CCSER1: variants seen among roughly 807,000 people sequenced by gnomAD.
CCSER1 encodes the protein coiled-coil serine rich protein 1.
A neutral mutation model predicts 82.0 loss-of-function variants in CCSER1; 41 were observed. The observed-to-expected ratio is 0.50, with a 90% confidence interval of 0.39 to 0.65. The LOEUF (loss-of-function observed/expected upper bound fraction) is 0.65, where lower values mean the gene tolerates loss of function less well. Ranked by LOEUF, CCSER1 falls within the 30% of genes least tolerant of loss-of-function variation. The pLI is 0.00. For missense variants in CCSER1, 1,119 were observed against 1,064.2 expected, an observed-to-expected ratio of 1.05 and a Z score of -0.72; for synonymous variants, 414 against 383.9, an observed-to-expected ratio of 1.08 and a Z score of -0.92.
In CCSER1 at chr4:90,164,606, A is replaced by C. The variant is rs190420823; in HGVS notation, c.-42+36775A>C. Among the ~76,000 whole-genome samples the C allele has an allele frequency of 3.0e-4, 46 of 152,256 alleles. 1 individual carries two copies. In the East Asian group the frequency reaches 8.3e-3, roughly 28 times the overall value. On this transcript the variant is annotated intron_variant, in intron 1 of 10. Transcript: ENST00000509176. ...GGATTAAAAAGAATAGATCCATAAA[A>C]AGAATCTAAAGTAGCAGATCCAGAA...
intron 9 of CCSER1, chr4:90,938,571 C>T (rs1731229359): frequency 4.3e-6 from 1 of 230,370 alleles, no homozygotes; most frequent in South Asian, 5.5e-5. Context: ...TTATGTTGGT[C>T]TGTGTTTGTT....
chr4:90,752,954 A>G (rs567308363), intron 7 of CCSER1, among the ~76,000 whole-genome samples: 1 of 152,162 alleles, frequency 6.6e-6, no homozygotes, highest in African/African-American at 2.4e-5. Context: ...AAATATTTTC[A>G]TTTACCATTT....
At chr4:91,359,173 C>T (rs1749082291) in intron 10 of CCSER1, among the ~76,000 whole-genome samples, 1 of 149,686 alleles carries the variant, frequency 6.7e-6, no homozygotes, top group African/African-American at 2.4e-5. Context: ...GGGCTGCATG[C>T]ACCAGTGGTC....
At chr4:90,554,560 GCATGAAGGACAGCT>G (rs1777892721) in intron 5 of CCSER1, among the ~76,000 whole-genome samples, 1 of 152,100 alleles carries the variant, frequency 6.6e-6, no homozygotes, top group Admixed American at 6.6e-5. Context: ...CAGGTTTTGT[GCATGAAGGACAGCT>G]CATATATGAG....
intron 10 of CCSER1, among the ~76,000 whole-genome samples, chr4:91,562,517 C>T (rs1469596697): frequency 2.0e-5 from 3 of 151,460 alleles, no homozygotes; most frequent in Non-Finnish European, 4.4e-5. Context: ...CCTGTGTAAA[C>T]ATGCCAAATT....
chr4:91,276,914 A>G (rs1216569135), intron 10 of CCSER1, among the ~76,000 whole-genome samples: 1 of 152,002 alleles, frequency 6.6e-6, no homozygotes, highest in East Asian at 1.9e-4. Context: ...AGATGATCAT[A>G]TGGTTTCTAT....
chr4:91,175,836 C>T (rs1450294831), intron 10 of CCSER1, among the ~76,000 whole-genome samples: 1 of 152,140 alleles, frequency 6.6e-6, no homozygotes, highest in Non-Finnish European at 1.5e-5. Flanking sequence ...TAATTAGATC[C>T]CATTTGTCAA....
At chr4:90,999,275 G>A (rs756743818) in intron 9 of CCSER1, among the ~76,000 whole-genome samples, 63 of 152,244 alleles carry the variant, frequency 4.1e-4, no homozygotes, top group Non-Finnish European at 7.5e-4. Context: ...TTGAATGGTA[G>A]TTCTATTTTA....
chr4:91,598,531 G>GT (rs748448193), intron 10 of CCSER1, 41 bp from the exon 11 acceptor site: 7 of 1,505,026 alleles, frequency 4.7e-6, no homozygotes, highest in Non-Finnish European at 2.7e-6. Flanking sequence ...CTATGAAAGT[G>GT]TTTTTTTAAG....
chr4:91,233,803 AT>A (rs960098499), intron 10 of CCSER1, among the ~76,000 whole-genome samples: 46 of 151,394 alleles, frequency 3.0e-4, no homozygotes, highest in Middle Eastern at 3.4e-3. Flanking sequence ...CATGTTAAGG[AT>A]TTTTTTTTAA....
intron 5 of CCSER1, among the ~76,000 whole-genome samples, chr4:90,600,992 G>T (rs114465040): frequency 1.6e-4 from 25 of 151,532 alleles, no homozygotes; most frequent in Non-Finnish European, 3.4e-4. Context: ...CATTGCTAAT[G>T]TATTGAATAC....
intron 5 of CCSER1, among the ~76,000 whole-genome samples, chr4:90,561,585 A>G (rs761384945): frequency 6.6e-6 from 1 of 152,158 alleles, no homozygotes; most frequent in Non-Finnish European, 1.5e-5. Context: ...TTAAGGAGCA[A>G]TTGATTTTTT....
At chr4:91,570,678 G>C (rs1445096519) in intron 10 of CCSER1, among the ~76,000 whole-genome samples, 1 of 152,178 alleles carries the variant, frequency 6.6e-6, no homozygotes, top group African/African-American at 2.4e-5. Flanking sequence ...ATAGAACAGA[G>C]TGGCTTTGGG....
At chr4:90,254,122 ATC>A (rs1722844957) in intron 1 of CCSER1, among the ~76,000 whole-genome samples, 1 of 152,174 alleles carries the variant, frequency 6.6e-6, no homozygotes, top group Non-Finnish European at 1.5e-5. Flanking sequence ...TCATGAAGCT[ATC>A]TGTCTCCTCT....
At position 90,798,506 on chromosome 4, in the gene CCSER1, C is replaced by G. The variant is rs530429421; in HGVS notation, c.2011-17256C>G. Among the ~76,000 whole-genome samples the G allele has an allele frequency of 2.0e-5, 3 of 151,462 alleles. No homozygotes were observed. In the South Asian group the frequency reaches 6.3e-4, roughly 32 times the overall value. On this transcript the variant is annotated intron_variant, in intron 7 of 10. Transcript: ENST00000509176. Reference sequence around the variant, plus strand: ...CAGCCATCTCACCCTGGTTTAGAACCTTTGCTGGAGAGGTGATGCAATCAT... The same window carrying G: ...CAGCCATCTCACCCTGGTTTAGAACGTTTGCTGGAGAGGTGATGCAATCAT...
intron 8 of CCSER1, among the ~76,000 whole-genome samples, chr4:90,874,339 T>C (rs1766928024): frequency 6.6e-6 from 1 of 152,198 alleles, no homozygotes; most frequent in African/African-American, 2.4e-5. Flanking sequence ...CTAGTGGCCA[T>C]GTAGCAAACC....
chr4:90,197,984 C>T (rs902269090), intron 1 of CCSER1, among the ~76,000 whole-genome samples: 6 of 152,090 alleles, frequency 3.9e-5, no homozygotes, highest in Non-Finnish European at 7.4e-5. Flanking sequence ...ATACCCCATT[C>T]TTCATGTTGT....
intron 10 of CCSER1, among the ~76,000 whole-genome samples, chr4:91,322,283 C>T (rs973317440): frequency 7.9e-5 from 12 of 151,968 alleles, no homozygotes; most frequent in African/African-American, 2.7e-4. Flanking sequence ...GTGAGTGGCT[C>T]AATTTAATTT....
intron 10 of CCSER1, among the ~76,000 whole-genome samples, chr4:91,410,173 A>G (rs1752940835): frequency 6.6e-6 from 1 of 152,228 alleles, no homozygotes; most frequent in South Asian, 2.1e-4. Flanking sequence ...TACCTAGTCA[A>G]AAGCTTTGTA....
Sources: allele counts gnomAD v4.1 joint callset (sites outside exome capture counted in the v4.1 genomes callset), GRCh38; gene constraint gnomAD v4.1.1; transcripts MANE v1.5; gene names NCBI Gene and HGNC (gene_info 2026-07-23, HGNC 2026-07-21).